Variants in MGAT5 observed in about 807,000 individuals in gnomAD.
The protein encoded by MGAT5 is alpha-1,6-mannosylglycoprotein 6-beta-N-acetylglucosaminyltransferase.
Under a neutral mutation model 94.3 loss-of-function variants are expected in MGAT5, and 30 were observed. That is an observed-to-expected ratio of 0.32 (90% CI 0.24 to 0.43). The LOEUF (loss-of-function observed/expected upper bound fraction) is 0.43, where lower values mean the gene tolerates loss of function less well. Ranked by LOEUF, MGAT5 falls within the 20% of genes least tolerant of loss-of-function variation. The pLI is 1.00. For missense variants in MGAT5, 691 were observed against 905.5 expected (o/e 0.76, Z 3.04); for synonymous variants, 310 against 322.9 (o/e 0.96, Z 0.43).
At chr2:134,318,830 T>C in intron 4 of MGAT5, 91 bp downstream of exon 4, 2 of 891,472 alleles carry the variant, frequency 2.2e-6, no homozygotes, top group Admixed American at 2.0e-5. Context: ...TGAAAACGTG[T>C]GGTATTTTTA....
intron 1 of MGAT5, chr2:134,127,012 C>T (rs1451800773): frequency 6.5e-6 from 1 of 153,734 alleles, no homozygotes; most frequent in East Asian, 1.9e-4. Context: ...ATCTCTGCCT[C>T]ATGCTCTGTG....
intron 10 of MGAT5, among the ~76,000 whole-genome samples, chr2:134,387,589 A>T (rs1682111585): frequency 6.6e-6 from 1 of 151,898 alleles, no homozygotes; most frequent in Non-Finnish European, 1.5e-5. Context: ...AGGAGGCAAC[A>T]TGCCCACTAA....
At chr2:134,401,720 C>T (rs1683064846) in intron 10 of MGAT5, among the ~76,000 whole-genome samples, 1 of 152,182 alleles carries the variant, frequency 6.6e-6, no homozygotes, top group Non-Finnish European at 1.5e-5. Context: ...CTTTCAGTCC[C>T]ACTGTTCATT....
intron 10 of MGAT5, among the ~76,000 whole-genome samples, chr2:134,386,944 A>G (rs566860103): frequency 6.6e-6 from 1 of 152,140 alleles, no homozygotes; most frequent in Non-Finnish European, 1.5e-5. Flanking sequence ...CTAAGACTAC[A>G]CAAGAGACCA....
intron 1 of MGAT5, among the ~76,000 whole-genome samples, chr2:134,240,357 G>GTT (rs11316083): frequency 0.011 from 1,615 of 146,816 alleles, 32 homozygotes; most frequent in African/African-American, 0.038. Context: ...AAATGAAAGT[G>GTT]TTTTTTTTTT....
rs1237633610 is a variant in MGAT5 at position 134,451,909 on chromosome 2, G to C, written c.*3062G>C. The stretch of plus-strand genomic sequence containing the variant: ...TGGAGATGCTTTTCATTTTTGTTTG[G>C]ACTGGGTTTGTGTCACTGCTCATTA... On this transcript the variant is annotated 3_prime_UTR_variant, in exon 16 of 16. Transcript: ENST00000281923. 1 of 152,174 alleles carries C rather than the reference G, an allele frequency of 6.6e-6. No individual in the cohort carries two copies. The highest frequency in any genetic ancestry group is 1.5e-5 in the Non-Finnish European group (1 of 68,020). The allele number at this position is 152,174 out of a possible 1,614,324, so 9.4% of individuals were successfully genotyped here.
intron 12 of MGAT5, among the ~76,000 whole-genome samples, chr2:134,421,349 T>A (rs1447008209): frequency 6.6e-6 from 1 of 152,136 alleles, no homozygotes; most frequent in African/African-American, 2.4e-5. Context: ...CTTTGGGGGC[T>A]GAGACAGGTG....
At chr2:134,359,482 G>A (rs536177474) in intron 9 of MGAT5, among the ~76,000 whole-genome samples, 64 of 152,328 alleles carry the variant, frequency 4.2e-4, no homozygotes, top group African/African-American at 1.5e-3. Context: ...ACTATAATGC[G>A]CTTAGCACAG....
chr2:134,371,311 A>G (rs1680782920), intron 10 of MGAT5, among the ~76,000 whole-genome samples: 1 of 152,192 alleles, frequency 6.6e-6, no homozygotes, highest in African/African-American at 2.4e-5. Context: ...TGAGTTGAAT[A>G]ACGAGTTCCA....
intron 2 of MGAT5, among the ~76,000 whole-genome samples, chr2:134,298,985 A>C (rs998480866): frequency 6.6e-6 from 1 of 152,208 alleles, no homozygotes; most frequent in African/African-American, 2.4e-5. Flanking sequence ...TGTGAAAGTT[A>C]GTGTCCCATT....
At chr2:134,306,510 C>T (rs3885009) in intron 2 of MGAT5, among the ~76,000 whole-genome samples, 4,294 of 152,108 alleles carry the variant, frequency 0.028, 185 homozygotes, top group East Asian at 0.1. Flanking sequence ...TACAATAGGA[C>T]GAGTATATTG....
chr2:134,280,228 G>A (rs532862375), intron 2 of MGAT5, among the ~76,000 whole-genome samples: 138 of 152,330 alleles, frequency 9.1e-4, no homozygotes, highest in Middle Eastern at 3.4e-3. Flanking sequence ...AGAAATGACA[G>A]AAAGAGGGAT....
At chr2:134,135,212 T>G (rs1686348915) in intron 1 of MGAT5, among the ~76,000 whole-genome samples, 2 of 152,170 alleles carry the variant, frequency 1.3e-5, no homozygotes, top group South Asian at 4.1e-4. Context: ...AAATTGTGTT[T>G]AGGTAGGTTA....
intron 2 of MGAT5, among the ~76,000 whole-genome samples, chr2:134,291,639 C>T (rs1335319078): frequency 2.0e-5 from 3 of 151,976 alleles, no homozygotes; most frequent in African/African-American, 4.8e-5. Context: ...GTTCATAGGG[C>T]GAAGTAAGGT....
chr2:134,297,196 CAAAAAAAAA>C (rs143685303), intron 2 of MGAT5, among the ~76,000 whole-genome samples: 3 of 100,480 alleles, frequency 3.0e-5, no homozygotes, highest in Non-Finnish European at 5.9e-5. Context: ...GACCTGGTCT[CAAAAAAAAA>C]AAAAAAAAAA....
At chr2:134,287,479 G>A (rs1179173151) in intron 2 of MGAT5, among the ~76,000 whole-genome samples, 1 of 152,106 alleles carries the variant, frequency 6.6e-6, no homozygotes, top group Non-Finnish European at 1.5e-5. Flanking sequence ...GTAATCTGTA[G>A]TGCTGGTTTC....
chr2:134,142,495 C>T (rs1033575504), intron 1 of MGAT5, among the ~76,000 whole-genome samples: 16 of 152,192 alleles, frequency 1.1e-4, no homozygotes, highest in Non-Finnish European at 2.1e-4. Context: ...TCTGATTCAT[C>T]ATACAAATCC....
At chr2:134,374,072 G>A (rs1335898716) in intron 10 of MGAT5, among the ~76,000 whole-genome samples, 1 of 152,114 alleles carries the variant, frequency 6.6e-6, no homozygotes, top group Non-Finnish European at 1.5e-5. Context: ...GTAGATTTCT[G>A]CCTTTTACTT....
chr2:134,275,404 G>C (rs1305898864), intron 2 of MGAT5, among the ~76,000 whole-genome samples: 1 of 152,104 alleles, frequency 6.6e-6, no homozygotes, highest in Non-Finnish European at 1.5e-5. Flanking sequence ...ACTTTGTGTG[G>C]TCAAGGATAT....
Sources: allele counts gnomAD v4.1 joint callset (sites outside exome capture counted in the v4.1 genomes callset), GRCh38; gene constraint gnomAD v4.1.1; transcripts MANE v1.5; gene names NCBI Gene and HGNC (gene_info 2026-07-23, HGNC 2026-07-21).